EXOC4: variants seen among roughly 807,000 people sequenced by gnomAD.
EXOC4 encodes SEC8-like 1.
Under a neutral mutation model 107.2 loss-of-function variants are expected in EXOC4, and 71 were observed. The observed-to-expected ratio is 0.66, with a 90% CI of 0.55 to 0.81. The LOEUF is 0.81. Among genes scored for constraint, EXOC4 ranks in the 30% least tolerant of loss-of-function variants. EXOC4 has a pLI of 0.00. For synonymous variants in EXOC4, 456 were observed against 441.2 expected (o/e 1.03, Z -0.42); for missense variants, 1,108 against 1,189.6 (o/e 0.93, Z 1.01).
chr7:133,872,305 C>T (rs1248364366), intron 11 of EXOC4, among the ~76,000 whole-genome samples: 1 of 152,010 alleles, frequency 6.6e-6, no homozygotes, highest in African/African-American at 2.4e-5. Context: ...GCAGTTAATT[C>T]AATTTTGGTC....
intron 7 of EXOC4, among the ~76,000 whole-genome samples, chr7:133,435,701 T>C (rs1296753794): frequency 6.6e-6 from 1 of 152,208 alleles, no homozygotes; most frequent in African/African-American, 2.4e-5. Flanking sequence ...TGTAGAATTC[T>C]CTATCCTAGT....
intron 13 of EXOC4, among the ~76,000 whole-genome samples, chr7:133,929,889 C>A (rs1800138505): frequency 6.6e-6 from 1 of 152,110 alleles, no homozygotes; most frequent in Non-Finnish European, 1.5e-5. Context: ...AGAAGAGAAA[C>A]CTTACCTGAC....
intron 11 of EXOC4, among the ~76,000 whole-genome samples, chr7:133,847,383 T>A (rs1328676991): frequency 0.016 from 8 of 502 alleles, no homozygotes. Context: ...ATTTTTTTAA[T>A]TTTTTTTTTT....
chr7:133,704,268 G>A lies in EXOC4; in HGVS notation c.1514+74127G>A, dbSNP rs555742296. On this transcript the variant is annotated intron_variant, in intron 10 of 17. Coordinates refer to ENST00000253861, the MANE Select transcript of EXOC4 (RefSeq NM_021807.4). ...GCCATCCCTAAGATCTTTATTTTTAGCTTTATGCAGTGTTTTTGTATTTTT... is the reference window on the plus strand; with the variant it reads ...GCCATCCCTAAGATCTTTATTTTTAACTTTATGCAGTGTTTTTGTATTTTT... Among the ~76,000 whole-genome samples the A allele has an allele frequency of 1.8e-4, 28 of 152,178 alleles. No individual in the cohort carries two copies. In the Middle Eastern group the frequency reaches 0.01, roughly 55 times the overall value.
At chr7:133,955,945 T>G (rs1413026464) in intron 14 of EXOC4, among the ~76,000 whole-genome samples, 1 of 152,106 alleles carries the variant, frequency 6.6e-6, no homozygotes, top group Non-Finnish European at 1.5e-5. Context: ...TCAGGGGCAG[T>G]TGGGGGGCTT....
chr7:133,373,135 A>G (rs1796413112), intron 6 of EXOC4, among the ~76,000 whole-genome samples: 1 of 152,202 alleles, frequency 6.6e-6, no homozygotes, highest in Admixed American at 6.5e-5. Flanking sequence ...GATCTGTATG[A>G]TGCCAGATAC....
intron 5 of EXOC4, among the ~76,000 whole-genome samples, chr7:133,320,866 A>G (rs77751614): frequency 0.023 from 3,457 of 152,338 alleles, 52 homozygotes; most frequent in Non-Finnish European, 0.037. Flanking sequence ...CTAAGTACAT[A>G]TAAAAGTATG....
At chr7:133,345,032 C>G (rs144857317) in intron 5 of EXOC4, among the ~76,000 whole-genome samples, 26 of 152,260 alleles carry the variant, frequency 1.7e-4, no homozygotes, top group Non-Finnish European at 3.5e-4. Context: ...TTCTTGTCCT[C>G]TATTGCTTCT....
intron 11 of EXOC4, among the ~76,000 whole-genome samples, chr7:133,846,048 C>A (rs1315409863): frequency 1.3e-5 from 2 of 151,222 alleles, no homozygotes; most frequent in African/African-American, 2.5e-5. Flanking sequence ...GAACTTTATA[C>A]CCCCCAAAAA....
At chr7:133,713,918 T>C (rs1794946904) in intron 10 of EXOC4, among the ~76,000 whole-genome samples, 1 of 152,178 alleles carries the variant, frequency 6.6e-6, no homozygotes, top group African/African-American at 2.4e-5. Context: ...GGCAGTTCTT[T>C]ATAGCAGTAT....
intron 10 of EXOC4, among the ~76,000 whole-genome samples, chr7:133,729,306 TA>T (rs1562973589): frequency 2.0e-5 from 3 of 152,296 alleles, no homozygotes; most frequent in Admixed American, 6.5e-5. Flanking sequence ...TGCCATTTTT[TA>T]AAAATGTTAT....
intron 11 of EXOC4, among the ~76,000 whole-genome samples, chr7:133,829,527 C>T (rs1797766827): frequency 6.6e-6 from 1 of 152,188 alleles, no homozygotes; most frequent in Admixed American, 6.5e-5. Flanking sequence ...ATTCAGTGAG[C>T]CACAACGGTG....
chr7:134,022,807 C>CT (rs1246357931), intron 17 of EXOC4, among the ~76,000 whole-genome samples: 3 of 152,214 alleles, frequency 2.0e-5, no homozygotes, highest in Non-Finnish European at 2.9e-5. Context: ...TCTGTCTGCA[C>CT]TAAGGCTAGC....
chr7:133,539,907 A>G (rs1800346792), intron 9 of EXOC4, among the ~76,000 whole-genome samples: 1 of 152,112 alleles, frequency 6.6e-6, no homozygotes, highest in Non-Finnish European at 1.5e-5. Flanking sequence ...GAAGATTCTA[A>G]GGAGGCATGC....
At chr7:133,328,326 C>G (rs532496541) in intron 5 of EXOC4, among the ~76,000 whole-genome samples, 1 of 151,924 alleles carries the variant, frequency 6.6e-6, no homozygotes, top group Non-Finnish European at 1.5e-5. Context: ...TGTGTCTTTG[C>G]ACGTGAGATG....
chr7:133,900,429 G>A (rs1003039270), intron 12 of EXOC4, among the ~76,000 whole-genome samples: 2 of 152,188 alleles, frequency 1.3e-5, no homozygotes, highest in Admixed American at 1.3e-4. Context: ...AGAAGAGCAC[G>A]AACAAGTGAT....
intron 6 of EXOC4, among the ~76,000 whole-genome samples, chr7:133,366,583 G>T (rs377113929): frequency 2.2e-4 from 34 of 152,206 alleles, no homozygotes; most frequent in Non-Finnish European, 4.7e-4. Flanking sequence ...CTTTTTGAGA[G>T]CATGGTTTTG....
chr7:133,979,230 T>G (rs1320891123), intron 14 of EXOC4, among the ~76,000 whole-genome samples: 1 of 152,162 alleles, frequency 6.6e-6, no homozygotes, highest in Non-Finnish European at 1.5e-5. Context: ...AGGTCAAAAC[T>G]TCATAGGTAT....
At chr7:133,807,736 A>G (rs1014150915) in intron 10 of EXOC4, among the ~76,000 whole-genome samples, 2 of 152,156 alleles carry the variant, frequency 1.3e-5, no homozygotes, top group Non-Finnish European at 2.9e-5. Context: ...TATTTATGCA[A>G]TCTTTGGTTT....
Sources: allele counts gnomAD v4.1 joint callset (sites outside exome capture counted in the v4.1 genomes callset), GRCh38; gene constraint gnomAD v4.1.1; transcripts MANE v1.5; gene names NCBI Gene and HGNC (gene_info 2026-07-23, HGNC 2026-07-21).